NEK5: variants seen among roughly 807,000 people sequenced by gnomAD.
NEK5 encodes serine/threonine-protein kinase Nek5.
In NEK5, 88 loss-of-function variants were observed where a neutral mutation model predicts 109.2. The ratio of observed to expected loss-of-function variants is 0.81; its 90% confidence interval spans 0.68 to 0.96. The LOEUF (loss-of-function observed/expected upper bound fraction) is 0.96. Among genes scored for constraint, NEK5 ranks in the 40% least tolerant of loss-of-function variants. NEK5 has a pLI of 0.00. For missense variants in NEK5, 834 were observed against 920.7 expected (o/e 0.91, Z 1.22); for synonymous variants, 283 against 299.9 (o/e 0.94, Z 0.58).
chr13:52,087,664 C>T (rs1235621488), intron 14 of NEK5, among the ~76,000 whole-genome samples: 1 of 152,106 alleles, frequency 6.6e-6, no homozygotes, highest in Non-Finnish European at 1.5e-5. Flanking sequence ...CTCACTCTGT[C>T]ACCCAGGCTG....
Position 52,046,730 on chromosome 13 carries a change from C to CA in NEK5, c.2228+3373dup, listed in dbSNP as rs879296545. The stretch of plus-strand genomic sequence containing the variant: ...TGGGTGATAGACGGACACCCTGTCT[C>CA]AAAAAAAAAAAAATCCTAGAATCTT... On this transcript the variant is annotated intron_variant, in intron 23 of 23. Transcript: ENST00000684899. Among the ~76,000 whole-genome samples, 245 of 127,938 alleles carry CA rather than the reference C, an allele frequency of 1.9e-3. No individual in the cohort carries two copies. In the Middle Eastern group the frequency reaches 0.028, roughly 15 times the overall value. 83.9% of individuals were successfully genotyped at this position (127,938 alleles called of 152,430 possible). A position where few individuals can be genotyped will look rare whatever the true frequency, so the allele number is the denominator to read the frequency against.
chr13:52,083,253 T>A lies in NEK5; in HGVS notation c.1572+7A>T, dbSNP rs1233086983. The A allele has an allele frequency of 1.9e-6, 3 of 1,588,886 alleles. No individual in the cohort carries two copies. In the Admixed American group the frequency reaches 5.0e-5, roughly 26 times the overall value. ...AAGCACACACATCTGATCATAGCCA[T>A]CATTACCTGCACAGGTGCTTCTCCC... is the stretch of plus-strand genomic sequence containing the variant. On this transcript the variant is annotated splice_region_variant and intron_variant, in intron 17 of 23. Transcript: ENST00000684899.
chr13:52,095,607 G>T (rs780171137), intron 12 of NEK5, among the ~76,000 whole-genome samples: 1 of 152,182 alleles, frequency 6.6e-6, no homozygotes, highest in Admixed American at 6.5e-5. Flanking sequence ...AAGCCCTTAG[G>T]CTGGGCACAG....
rs763712188 is a variant in NEK5, at chr13:52,065,609, C to T, written c.1850G>A (p.Gly617Glu). 1.9e-6 allele frequency: 3 copies of T among 1,609,892 alleles called. No individual in the cohort carries two copies. The South Asian group carries it at 3.3e-5, about 18-fold the overall frequency. Residue 617 changes from glycine to glutamate, a missense_variant and splice_region_variant, in exon 21 of 24, where the codon GGG becomes GAG. Physicochemically the swap from Gly to Glu is moderately conservative, Grantham distance 98. Transcript: ENST00000684899. The stretch of plus-strand genomic sequence containing the variant: ...AGCAGCTACAGTCTGCGTGGAAAAC[C>T]CTGGGTGTAAGAAAACAACTCATTA... ...AFEKLHCPEA[G>E]FSTQTVAAVG...
chr13:52,087,632 A>AT (rs972961403), intron 14 of NEK5, among the ~76,000 whole-genome samples, 178 bp from the exon 15 acceptor site: 1 of 151,764 alleles, frequency 6.6e-6, no homozygotes, highest in South Asian at 2.1e-4. Context: ...AAAAATATAT[A>AT]TTTTTTTCTG....
chr13:52,092,922 G>A, intron 13 of NEK5, 132 bp downstream of exon 13: 6 of 639,206 alleles, frequency 9.4e-6, no homozygotes, highest in South Asian at 5.4e-5. Flanking sequence ...GGAACTATGT[G>A]TTTAAAATGA....
chr13:52,090,385 C>G (rs1047947652), intron 13 of NEK5, among the ~76,000 whole-genome samples: 3 of 152,060 alleles, frequency 2.0e-5, no homozygotes, highest in Admixed American at 6.5e-5. Context: ...ATAAGCATCC[C>G]CAATTTACAA....
intron 20 of NEK5, among the ~76,000 whole-genome samples, chr13:52,070,058 T>C (rs934056649): frequency 6.6e-6 from 1 of 152,210 alleles, no homozygotes; most frequent in African/African-American, 2.4e-5. Context: ...ATAAGATGCC[T>C]GCTGAATGGA....
intron 4 of NEK5, among the ~76,000 whole-genome samples, chr13:52,116,750 A>G (rs904684361): frequency 6.6e-6 from 1 of 152,162 alleles, no homozygotes; most frequent in African/African-American, 2.4e-5. Flanking sequence ...ATTTTTGCCT[A>G]TTTTGTTTGC....
At position 52,034,251 on chromosome 13, in the gene NEK5, G is replaced by GAGTAA. The variant is rs1369006496; in HGVS notation, c.*2692_*2696dup. ...ACGGATGAGGCCAAGGCTAAAGCCA[G>GAGTAA]AGTAAAGTAATCAGAGCCATGCCTC... On this transcript the variant is annotated 3_prime_UTR_variant, in exon 24 of 24. Coordinates refer to ENST00000684899, the MANE Select transcript of NEK5 (RefSeq NM_001365552.1). 4 of 152,226 alleles carry GAGTAA rather than the reference G, an allele frequency of 2.6e-5. No homozygotes were observed. Among genetic ancestry groups the GAGTAA allele is most frequent in the Admixed American group, 2.6e-4 (4 of 15,284 alleles). 9.4% of individuals were successfully genotyped at this position (152,226 alleles called of 1,614,324 possible). A position where few individuals can be genotyped will look rare whatever the true frequency, so the allele number is the denominator to read the frequency against.
At chr13:52,116,958 G>C (rs1361505629) in intron 4 of NEK5, among the ~76,000 whole-genome samples, 1 of 143,996 alleles carries the variant, frequency 6.9e-6, no homozygotes, top group Non-Finnish European at 1.5e-5. Context: ...CACTCTTCTT[G>C]CCCAGGCTGG....
Position 52,112,258 on chromosome 13 carries a change from A to C in NEK5, c.312+10T>G. The C allele has an allele frequency of 3.9e-6, 6 of 1,531,388 alleles. No individual in the cohort carries two copies. Among genetic ancestry groups the C allele is most frequent in the Non-Finnish European group, 5.4e-6 (6 of 1,107,344 alleles). The allele number at this position is 1,531,388 out of a possible 1,614,324, so 94.9% of individuals were successfully genotyped here. On this transcript the variant is annotated intron_variant, in intron 5 of 23. Transcript: ENST00000684899. ...TACATAAAATTAAAAAGCAAATTAGAAGTTTTTACCTGATCTTCACTAAAT... is the reference window on the plus strand; with the variant it reads ...TACATAAAATTAAAAAGCAAATTAGCAGTTTTTACCTGATCTTCACTAAAT...
chr13:52,106,095 C>G (rs933506616), intron 8 of NEK5, among the ~76,000 whole-genome samples: 1 of 151,950 alleles, frequency 6.6e-6, no homozygotes, highest in Non-Finnish European at 1.5e-5. Context: ...CTGCTCTGAA[C>G]AGCCTACTTT....
intron 23 of NEK5, among the ~76,000 whole-genome samples, chr13:52,043,103 A>G (rs1954427649): frequency 6.6e-6 from 1 of 152,140 alleles, no homozygotes; most frequent in African/African-American, 2.4e-5. Context: ...AAAGTACTTA[A>G]AAAAATAAAG....
intron 16 of NEK5, among the ~76,000 whole-genome samples, chr13:52,085,483 A>G (rs1253065998): frequency 6.6e-6 from 1 of 152,194 alleles, no homozygotes; most frequent in Non-Finnish European, 1.5e-5. Context: ...ATTTATCTGT[A>G]TGCACTGCGG....
intron 22 of NEK5, among the ~76,000 whole-genome samples, chr13:52,051,908 G>A (rs868371751): frequency 2.0e-5 from 3 of 152,120 alleles, no homozygotes; most frequent in Admixed American, 6.5e-5. Flanking sequence ...ACAGGTGCAG[G>A]ACAGAAAGTC....
intron 13 of NEK5, among the ~76,000 whole-genome samples, chr13:52,090,221 T>G (rs756704375): frequency 6.6e-6 from 1 of 152,248 alleles, no homozygotes; most frequent in Non-Finnish European, 1.5e-5. Context: ...ATCTTTTTTT[T>G]GGCAGAATTT....
At chr13:52,086,095 AC>A (rs1169610715) in intron 16 of NEK5, among the ~76,000 whole-genome samples, 181 bp downstream of exon 16, 2 of 152,016 alleles carry the variant, frequency 1.3e-5, no homozygotes, top group African/African-American at 2.4e-5. Flanking sequence ...TCTCTCATAA[AC>A]CATAATAAAC....
intron 5 of NEK5, among the ~76,000 whole-genome samples, chr13:52,111,757 T>C (rs1274630150): frequency 2.6e-5 from 4 of 152,134 alleles, no homozygotes; most frequent in Non-Finnish European, 4.4e-5. Context: ...AGAAATACAT[T>C]TGTGCAAAGA....
Sources: allele counts gnomAD v4.1 joint callset (sites outside exome capture counted in the v4.1 genomes callset), GRCh38; gene constraint gnomAD v4.1.1; transcripts MANE v1.5; gene names NCBI Gene and HGNC (gene_info 2026-07-23, HGNC 2026-07-21).